The following NRG3 variants were observed in gnomAD, a reference collection of about 807,000 sequenced individuals.
The protein encoded by NRG3 is neuregulin 3, also known as pro-neuregulin-3, membrane-bound isoform.
NRG3 carries 31 observed loss-of-function variants against 66.9 expected under a neutral mutation model. The observed-to-expected ratio is 0.46, with a 90% CI of 0.35 to 0.63. NRG3 has a LOEUF of 0.63. Among genes scored for constraint, NRG3 ranks in the 20% least tolerant of loss-of-function variants. The pLI is 0.00. For missense variants in NRG3, 910 were observed against 878.9 expected (o/e 1.04, Z -0.45); for synonymous variants, 393 against 359.4 (o/e 1.09, Z -1.06).
chr10:82,238,996 C>CT (rs2076886904), intron 1 of NRG3, among the ~76,000 whole-genome samples: 1 of 140,068 alleles, frequency 7.1e-6, no homozygotes, highest in Non-Finnish European at 1.6e-5. Flanking sequence ...AAGATATTTT[C>CT]TCATGGTTTT....
intron 4 of NRG3, among the ~76,000 whole-genome samples, chr10:82,913,228 A>T (rs995480296): frequency 3.3e-5 from 5 of 152,132 alleles, no homozygotes; most frequent in East Asian, 1.9e-4. Context: ...CAATATTTTT[A>T]AAAAAAGAAA....
Position 82,132,525 on chromosome 10 carries a change from G to GATATATATATCATATATATATATCAT in NRG3, c.824-226204_824-226203insCATATATATATATCATATATATATAT, listed in dbSNP as rs1317557723. Among the ~76,000 whole-genome samples the GATATATATATCATATATATATATCAT allele has an allele frequency of 2.0e-4, 11 of 54,778 alleles. 1 individual carries two copies. The highest frequency in any genetic ancestry group is 7.1e-4 in the African/African-American group (11 of 15,462). 35.9% of individuals were successfully genotyped at this position (54,778 alleles called of 152,430 possible). A position where few individuals can be genotyped will look rare whatever the true frequency, so the allele number is the denominator to read the frequency against. On this transcript the variant is annotated intron_variant, in intron 1 of 8. Coordinates refer to ENST00000372141, the MANE Select transcript of NRG3 (RefSeq NM_001010848.4). Reference sequence around the variant, plus strand: ...TATATCATATATATATGATATATATGATATATATATGATATATATATATCT... The same window carrying GATATATATATCATATATATATATCAT: ...TATATCATATATATATGATATATATGATATATATATCATATATATATATCATATATATATATGATATATATATATCT...
At chr10:82,152,717 GC>G (rs67079527) in intron 1 of NRG3, among the ~76,000 whole-genome samples, 149,189 of 152,008 alleles carry the variant, frequency 0.98, 73,232 homozygotes, top group East Asian at 1. Flanking sequence ...TATGGAAAAT[GC>G]CATATATTTG....
chr10:82,048,441 A>G (rs2063419424), intron 1 of NRG3, among the ~76,000 whole-genome samples: 1 of 152,150 alleles, frequency 6.6e-6, no homozygotes, highest in Non-Finnish European at 1.5e-5. Flanking sequence ...CAGGATTAAG[A>G]GACTCACTCA....
intron 2 of NRG3, among the ~76,000 whole-genome samples, chr10:82,664,368 C>A (rs2052599658): frequency 6.6e-6 from 1 of 152,094 alleles, no homozygotes; most frequent in Non-Finnish European, 1.5e-5. Context: ...AGCTGTGAAA[C>A]ATTTGAGACA....
chr10:82,004,069 T>A (rs1316468702), intron 1 of NRG3, among the ~76,000 whole-genome samples: 1 of 150,746 alleles, frequency 6.6e-6, no homozygotes, highest in Non-Finnish European at 1.5e-5. Context: ...AAACCGCAGT[T>A]TGTGAACCAT....
chr10:82,291,664 C>T (rs2079756900), intron 1 of NRG3, among the ~76,000 whole-genome samples: 1 of 152,102 alleles, frequency 6.6e-6, no homozygotes, highest in South Asian at 2.1e-4. Context: ...ACCAATTTGC[C>T]CACATGATTT....
chr10:82,727,850 A>G (rs1229296760), intron 2 of NRG3, among the ~76,000 whole-genome samples: 2 of 152,184 alleles, frequency 1.3e-5, no homozygotes, highest in African/African-American at 2.4e-5. Context: ...GCAAAACCAC[A>G]GAGATGGAGC....
At chr10:82,407,090 A>AT (rs35409376) in intron 2 of NRG3, among the ~76,000 whole-genome samples, 55,093 of 90,604 alleles carry the variant, frequency 0.61, 13,428 homozygotes, top group African/African-American at 0.76. Context: ...TTTTTATTTT[A>AT]TTTTTTTTCC....
intron 3 of NRG3, among the ~76,000 whole-genome samples, chr10:82,836,207 A>C (rs538593706): frequency 6.6e-6 from 1 of 152,258 alleles, no homozygotes; most frequent in East Asian, 1.9e-4. Flanking sequence ...GAACAGTTGC[A>C]ATAGCAACCT....
At chr10:81,955,004 CTG>C (rs1849688901) in intron 1 of NRG3, among the ~76,000 whole-genome samples, 1 of 151,802 alleles carries the variant, frequency 6.6e-6, no homozygotes, top group Non-Finnish European at 1.5e-5. Flanking sequence ...TAACTAAAGT[CTG>C]TATTAGTGTT....
intron 3 of NRG3, among the ~76,000 whole-genome samples, chr10:82,753,550 CTCT>C (rs1157773189): frequency 6.6e-6 from 1 of 151,622 alleles, no homozygotes; most frequent in Non-Finnish European, 1.5e-5. Context: ...TTTCTTTCCT[CTCT>C]TCATTTCTTT....
chr10:81,989,595 A>G (rs1353513218), intron 1 of NRG3, among the ~76,000 whole-genome samples: 1 of 152,178 alleles, frequency 6.6e-6, no homozygotes. Context: ...TGGTTCATTT[A>G]TAAAGTCATC....
chr10:81,949,159 C>T (rs934403064), intron 1 of NRG3, among the ~76,000 whole-genome samples: 6 of 152,120 alleles, frequency 3.9e-5, no homozygotes, highest in African/African-American at 1.4e-4. Flanking sequence ...AGGCTCCTGT[C>T]TCTGAGAAGG....
chr10:82,462,917 T>A (rs2091588005), intron 2 of NRG3, among the ~76,000 whole-genome samples: 1 of 152,326 alleles, frequency 6.6e-6, no homozygotes, highest in East Asian at 1.9e-4. Context: ...CAGAGGTTGC[T>A]TGAATGACCA....
intron 2 of NRG3, among the ~76,000 whole-genome samples, chr10:82,599,599 A>C (rs956510181): frequency 1.3e-5 from 2 of 152,146 alleles, no homozygotes; most frequent in African/African-American, 4.8e-5. Context: ...TGTATCATTG[A>C]GTTCAGGAGT....
chr10:82,103,838 C>G (rs893693851), intron 1 of NRG3, among the ~76,000 whole-genome samples: 2 of 151,662 alleles, frequency 1.3e-5, no homozygotes, highest in South Asian at 4.2e-4. Flanking sequence ...ATTCTGCCAC[C>G]GGGAAAGACA....
chr10:82,535,838 G>A (rs577616706), intron 2 of NRG3, among the ~76,000 whole-genome samples: 5 of 151,566 alleles, frequency 3.3e-5, no homozygotes, highest in African/African-American at 7.3e-5. Flanking sequence ...TGGGCTCTGC[G>A]TCTCTTTGCC....
chr10:81,963,721 G>C (rs1303065405), intron 1 of NRG3, among the ~76,000 whole-genome samples: 1 of 152,134 alleles, frequency 6.6e-6, no homozygotes, highest in Non-Finnish European at 1.5e-5. Context: ...GCTAAGGGTT[G>C]CTCTGTCAAT....
Sources: allele counts gnomAD v4.1 joint callset (sites outside exome capture counted in the v4.1 genomes callset), GRCh38; gene constraint gnomAD v4.1.1; transcripts MANE v1.5; gene names NCBI Gene and HGNC (gene_info 2026-07-23, HGNC 2026-07-21).